The following PTAFR variants were observed in gnomAD, a reference collection of about 807,000 sequenced individuals.
PTAFR encodes platelet-activating factor receptor.
In PTAFR, 8 loss-of-function variants were observed where a neutral mutation model predicts 14.7. That is an observed-to-expected ratio of 0.54 (90% CI 0.32 to 0.98). PTAFR has a LOEUF of 0.98. PTAFR is among the 50% of genes least tolerant of loss of function. PTAFR has a pLI of 0.04. For missense variants in PTAFR, 337 were observed against 451.2 expected, an observed-to-expected ratio of 0.75 and a Z score of 2.29; for synonymous variants, 156 against 176.5, an observed-to-expected ratio of 0.88 and a Z score of 0.92.
At chr1:28,180,561 C>T (rs991079180), upstream of PTAFR, among the ~76,000 whole-genome samples, 8 of 152,126 alleles carry the variant, frequency 5.3e-5, no homozygotes, top group South Asian at 2.1e-4. Context: ...GGGCAGCCTC[C>T]GGGGCAAGAG....
chr1:28,185,040 C>G (rs1297022413), intron 1 of PTAFR, among the ~76,000 whole-genome samples: 1 of 152,300 alleles, frequency 6.6e-6, no homozygotes, highest in Non-Finnish European at 1.5e-5. Flanking sequence ...CTCAGTGGGG[C>G]CTTTCCTGAC....
intron 1 of PTAFR, among the ~76,000 whole-genome samples, chr1:28,185,142 T>A (rs56327518): frequency 0.061 from 9,358 of 152,278 alleles, 314 homozygotes; most frequent in Middle Eastern, 0.092. Context: ...TAATACAACA[T>A]GTATTTTATT....
intron 1 of PTAFR, among the ~76,000 whole-genome samples, chr1:28,184,081 T>C (rs1229834953): frequency 7.7e-6 from 1 of 129,698 alleles, no homozygotes; most frequent in Non-Finnish European, 1.6e-5. Context: ...CCCATTAGTC[T>C]GTTTTTTTTT....
Position 28,150,147 on chromosome 1 carries a change from A to C in PTAFR, c.875T>G (p.Ile292Ser). 1 of 1,614,218 alleles carries C rather than the reference A, an allele frequency of 6.2e-7. No individual in the cohort carries two copies. Among genetic ancestry groups the C allele is most frequent in the Non-Finnish European group, 8.5e-7 (1 of 1,180,034 alleles). Reference sequence around the variant, plus strand: ...GAACTTCTTGGTGAGGAAACAGTAGATAACAGGGTCTAAGACACAGTTGGT... The same window carrying C: ...GAACTTCTTGGTGAGGAAACAGTAGCTAACAGGGTCTAAGACACAGTTGGT... Reference protein sequence around the residue: ...LSTNCVLDPVIYCFLTKKFRK... With the variant: ...LSTNCVLDPVSYCFLTKKFRK... The change falls in exon 2 of 2, where the codon ATC (isoleucine) becomes AGC (serine). Residue 292 changes from isoleucine (I) to serine (S), a missense_variant. By Grantham distance (142) the Ile-to-Ser change is moderately radical. Coordinates refer to ENST00000373857, the MANE Select transcript of PTAFR (RefSeq NM_000952.5). The surrounding 1 kb of genome is among the most constrained non-coding windows in gnomAD (Gnocchi z 6.3).
At chr1:28,153,267 C>G (rs1646216602) in intron 1 of PTAFR, among the ~76,000 whole-genome samples, 1 of 152,192 alleles carries the variant, frequency 6.6e-6, no homozygotes, top group African/African-American at 2.4e-5. Context: ...CAAAACAAAA[C>G]AGTTGCTCCC....
At chr1:28,175,307 G>C (rs903013031) in intron 1 of PTAFR, among the ~76,000 whole-genome samples, 4 of 152,142 alleles carry the variant, frequency 2.6e-5, no homozygotes, top group Admixed American at 2.0e-4. Flanking sequence ...AGCTGAGATC[G>C]AAACCCCGGA....
chr1:28,168,979 A>G (rs1054611596), intron 1 of PTAFR, among the ~76,000 whole-genome samples: 13 of 152,024 alleles, frequency 8.6e-5, no homozygotes, highest in Non-Finnish European at 5.9e-5. Flanking sequence ...AGTTGAAAAC[A>G]TTCTATTGGC....
At chr1:28,162,216 C>G (rs917025219) in intron 1 of PTAFR, among the ~76,000 whole-genome samples, 49 of 152,218 alleles carry the variant, frequency 3.2e-4, no homozygotes, top group African/African-American at 1.2e-3. Flanking sequence ...AGCGTGGAAA[C>G]AGCAAGAGCA....
intron 1 of PTAFR, among the ~76,000 whole-genome samples, chr1:28,161,444 T>C (rs1455145585): frequency 1.3e-5 from 2 of 152,162 alleles, no homozygotes; most frequent in Non-Finnish European, 2.9e-5. Context: ...TAATTTCAAA[T>C]TGTGATGAAT....
chr1:28,162,608 T>A (rs1646336320), intron 1 of PTAFR, among the ~76,000 whole-genome samples: 1 of 152,008 alleles, frequency 6.6e-6, no homozygotes, highest in Non-Finnish European at 1.5e-5. Context: ...GGTGGATCAC[T>A]TGAGGTCAGG....
At chr1:28,176,698 CAG>C (rs1234949941), upstream of PTAFR, 1 of 152,760 alleles carries the variant, frequency 6.5e-6, no homozygotes, top group Non-Finnish European at 1.5e-5. Context: ...AGTGAAGAAA[CAG>C]AGCGTATCAC....
At chr1:28,158,181 C>A (rs998233430) in intron 1 of PTAFR, among the ~76,000 whole-genome samples, 2 of 152,110 alleles carry the variant, frequency 1.3e-5, no homozygotes, top group Admixed American at 1.3e-4. Context: ...AGGTGTAACG[C>A]GGTTTCAGAG....
chr1:28,182,891 G>T (rs1049615004), intron 1 of PTAFR, among the ~76,000 whole-genome samples: 3 of 152,132 alleles, frequency 2.0e-5, no homozygotes, highest in Non-Finnish European at 2.9e-5. Flanking sequence ...ATGTTGGCCA[G>T]GCTAGTCTCG....
rs1465818962 is a variant in PTAFR, at chr1:28,147,213, C to G, written c.*2780G>C. 1 of 152,122 alleles carries G rather than the reference C, an allele frequency of 6.6e-6. No individual in the cohort carries two copies. The highest frequency in any genetic ancestry group is 2.1e-4 in the South Asian group (1 of 4,830). 9.4% of individuals were successfully genotyped at this position (152,122 alleles called of 1,614,324 possible). ...ATTAAGTAAATGGACAGTTGGTACA[C>G]AGATATTGCAAAAATTTCGAGGCGG... On this transcript the variant is annotated 3_prime_UTR_variant, in exon 2 of 2. Transcript: ENST00000373857.
At chr1:28,159,080 C>T (rs1229709120) in intron 1 of PTAFR, among the ~76,000 whole-genome samples, 1 of 152,072 alleles carries the variant, frequency 6.6e-6, no homozygotes, top group African/African-American at 2.4e-5. Context: ...GTGTCTGGGC[C>T]AGATGATTGA....
intron 1 of PTAFR, among the ~76,000 whole-genome samples, chr1:28,168,218 T>TTG (rs1646412980): frequency 6.8e-6 from 1 of 147,226 alleles, no homozygotes; most frequent in African/African-American, 2.5e-5. Flanking sequence ...TGATCCGCCC[T>TTG]CCTCGGCCAC....
In PTAFR at chr1:28,149,325, C is replaced by CATTTTTTTTTTTTTTTTT. The variant is rs1646150531; in HGVS notation, c.*667_*668insAAAAAAAAAAAAAAAAAT. The CATTTTTTTTTTTTTTTTT allele has an allele frequency of 1.4e-5, 1 of 69,554 alleles. No individual in the cohort carries two copies. The highest frequency in any genetic ancestry group is 6.7e-5 in the African/African-American group (1 of 14,952). The allele number at this position is 69,554 out of a possible 1,614,324, so 4.3% of individuals were successfully genotyped here. The stretch of plus-strand genomic sequence containing the variant: ...ATCACTTGAGAGTAGTTGCCCAAAG[C>CATTTTTTTTTTTTTTTTT]TTTTTTTTTTTTTTTTTTTTTTTTT... On this transcript the variant is annotated 3_prime_UTR_variant, in exon 2 of 2. Coordinates refer to ENST00000373857, the MANE Select transcript of PTAFR (RefSeq NM_000952.5).
chr1:28,163,319 C>T (rs1646346239), intron 1 of PTAFR, among the ~76,000 whole-genome samples: 2 of 152,176 alleles, frequency 1.3e-5, no homozygotes, highest in African/African-American at 2.4e-5. Flanking sequence ...TGGCTGTTTC[C>T]TTGTCAGACT....
chr1:28,191,036 C>T (rs528969397), intron 1 of PTAFR, among the ~76,000 whole-genome samples: 5 of 152,334 alleles, frequency 3.3e-5, no homozygotes, highest in Admixed American at 2.6e-4. Flanking sequence ...CTTCCTCTTC[C>T]TCTCCCTCAC....
Sources: allele counts gnomAD v4.1 joint callset (sites outside exome capture counted in the v4.1 genomes callset), GRCh38; gene constraint gnomAD v4.1.1; non-coding constraint Gnocchi (gnomAD v3.1); transcripts MANE v1.5; gene names NCBI Gene and HGNC (gene_info 2026-07-23, HGNC 2026-07-21).